OSBP2: variants seen among roughly 807,000 people sequenced by gnomAD.
OSBP2 encodes oxysterol-binding protein 2.
Under a neutral mutation model 96.0 loss-of-function variants are expected in OSBP2, and 66 were observed. That is an observed-to-expected ratio of 0.69 (90% CI 0.56 to 0.84). The LOEUF (loss-of-function observed/expected upper bound fraction) is 0.84, where lower values mean the gene tolerates loss of function less well. Among genes scored for constraint, OSBP2 ranks in the 40% least tolerant of loss-of-function variants. The probability of loss-of-function intolerance (pLI) is 0.00; values close to 1 mark genes in which losing one functional copy is unlikely to be tolerated. For missense variants in OSBP2, 1,038 were observed against 1,222.7 expected (o/e 0.85, Z 2.25); for synonymous variants, 525 against 520.9 (o/e 1.01, Z -0.11).
At chr22:30,856,780 A>G (rs890319416) in intron 2 of OSBP2, among the ~76,000 whole-genome samples, 8 of 131,914 alleles carry the variant, frequency 6.1e-5, no homozygotes, top group African/African-American at 1.9e-4. Flanking sequence ...TTTCTTTTAG[A>G]AAAAAAAAAA....
intron 2 of OSBP2, among the ~76,000 whole-genome samples, chr22:30,830,512 G>A (rs149643711): frequency 4.8e-4 from 73 of 152,304 alleles, no homozygotes; most frequent in Non-Finnish European, 8.4e-4. Context: ...TCCCTCCACC[G>A]CGGATATTTT....
At chr22:30,731,119 A>G (rs2089771940) in intron 1 of OSBP2, among the ~76,000 whole-genome samples, 1 of 151,876 alleles carries the variant, frequency 6.6e-6, no homozygotes, top group African/African-American at 2.4e-5. Flanking sequence ...GGTTGCAGTG[A>G]GCCGAGATCG....
At chr22:30,829,386 G>A (rs940821406) in intron 2 of OSBP2, among the ~76,000 whole-genome samples, 8 of 152,274 alleles carry the variant, frequency 5.3e-5, no homozygotes, top group African/African-American at 1.9e-4. Context: ...TCTGCCTCCC[G>A]GGTTCAAGCT....
intron 3 of OSBP2, among the ~76,000 whole-genome samples, chr22:30,877,342 G>A (rs1412686949): frequency 2.0e-5 from 3 of 152,122 alleles, no homozygotes; most frequent in South Asian, 2.1e-4. Flanking sequence ...GAGAAACCCC[G>A]TAGGACTATT....
chr22:30,702,047 T>C (rs1193717021), intron 1 of OSBP2, among the ~76,000 whole-genome samples: 2 of 152,156 alleles, frequency 1.3e-5, no homozygotes, highest in East Asian at 3.9e-4. Flanking sequence ...CTCCCCCTCC[T>C]AACTCCTCTT....
intron 2 of OSBP2, among the ~76,000 whole-genome samples, chr22:30,777,867 A>G (rs555912552): frequency 1.1e-4 from 16 of 152,188 alleles, no homozygotes; most frequent in Non-Finnish European, 2.2e-4. Flanking sequence ...GTGGGAGGAA[A>G]TCGATGCTCT....
chr22:30,719,498 T>G (rs1348921214), intron 1 of OSBP2, among the ~76,000 whole-genome samples: 1 of 152,066 alleles, frequency 6.6e-6, no homozygotes, highest in East Asian at 1.9e-4. Flanking sequence ...CTCACACCTG[T>G]AATCCCAGCA....
chr22:30,838,589 C>T (rs1457803253), intron 2 of OSBP2, among the ~76,000 whole-genome samples: 3 of 152,176 alleles, frequency 2.0e-5, no homozygotes, highest in Admixed American at 6.5e-5. Context: ...TAACTACGAT[C>T]TGCACTGTAT....
chr22:30,882,460 C>T (rs533116288), intron 3 of OSBP2, among the ~76,000 whole-genome samples: 61 of 151,904 alleles, frequency 4.0e-4, no homozygotes, highest in Non-Finnish European at 6.8e-4. Context: ...TGGGCGAGTC[C>T]CTCAGTCACC....
chr22:30,831,222 C>T (rs751381207), intron 2 of OSBP2, among the ~76,000 whole-genome samples: 1 of 152,160 alleles, frequency 6.6e-6, no homozygotes, highest in Non-Finnish European at 1.5e-5. Context: ...TGTAAGCTTC[C>T]CTACATTAGA....
intron 2 of OSBP2, among the ~76,000 whole-genome samples, chr22:30,748,680 A>G (rs576839956): frequency 1.3e-5 from 2 of 152,326 alleles, no homozygotes; most frequent in East Asian, 3.9e-4. Context: ...AGATCCCAAG[A>G]GTGGGTTCTT....
chr22:30,795,364 G>A (rs745643564), intron 2 of OSBP2, among the ~76,000 whole-genome samples: 23 of 151,880 alleles, frequency 1.5e-4, no homozygotes, highest in Middle Eastern at 3.2e-3. Context: ...CCTTTATTTC[G>A]TCCAAAACTG....
chr22:30,858,894 T>G (rs1296290592), intron 2 of OSBP2, among the ~76,000 whole-genome samples: 1 of 149,422 alleles, frequency 6.7e-6, no homozygotes, highest in Non-Finnish European at 1.5e-5. Flanking sequence ...ATAATAATAA[T>G]AATAATAATA....
intron 7 of OSBP2, 63 bp downstream of exon 7, chr22:30,889,699 G>A: frequency 6.7e-7 from 1 of 1,483,688 alleles, no homozygotes; most frequent in Non-Finnish European, 9.4e-7. Flanking sequence ...GTGCGTGGAT[G>A]AGCAGTAATG....
chr22:30,754,384 C>T (rs943900214), intron 2 of OSBP2, among the ~76,000 whole-genome samples: 3 of 152,152 alleles, frequency 2.0e-5, no homozygotes, highest in Admixed American at 2.0e-4. Flanking sequence ...TGATTGGTGT[C>T]CTTGTGTGTC....
intron 1 of OSBP2, among the ~76,000 whole-genome samples, chr22:30,723,145 A>AT (rs2089582087): frequency 6.6e-6 from 1 of 150,538 alleles, no homozygotes; most frequent in Admixed American, 6.6e-5. Context: ...ATATTTATTT[A>AT]TTTTTTGCTG....
Position 30,893,530 on chromosome 22 carries a change from T to G in OSBP2, c.2058T>G (p.Val686=). ...HYVWRKSTST[V]HNIIVGKLWI... ...TGTGGAGGAAGAGCACCTCAACTGT[T>G]CACAACATCATCGTGGGCAAGCTCT... is the stretch of plus-strand genomic sequence containing the variant. The change falls in exon 10 of 14, where the codon GTT becomes GTG. Residue 686 remains valine (V), a synonymous_variant. Transcript: ENST00000332585. 6.2e-7 allele frequency: 1 copy of G among 1,614,118 alleles called. No individual in the cohort carries two copies. Among genetic ancestry groups the G allele is most frequent in the Non-Finnish European group, 8.5e-7 (1 of 1,180,008 alleles).
At chr22:30,874,745 G>A (rs545033714) in intron 3 of OSBP2, among the ~76,000 whole-genome samples, 9 of 152,370 alleles carry the variant, frequency 5.9e-5, no homozygotes, top group Middle Eastern at 6.8e-3. Flanking sequence ...AACCCCCCAC[G>A]CCTTTACCAG....
At chr22:30,831,269 T>G (rs865954483) in intron 2 of OSBP2, among the ~76,000 whole-genome samples, 1 of 152,230 alleles carries the variant, frequency 6.6e-6, no homozygotes, top group Admixed American at 6.5e-5. Context: ...TTGGCCAGTA[T>G]AATGTGCCTT....
Sources: gnomAD v4.1 joint callset for allele counts (sites outside exome capture counted in the v4.1 genomes callset) on GRCh38, gnomAD v4.1.1 for gene constraint, MANE v1.5 for transcripts, NCBI Gene and HGNC (gene_info 2026-07-23, HGNC 2026-07-21) for gene names.